Variants in LY9 observed in about 807,000 individuals in gnomAD.
The protein encoded by LY9 is T-lymphocyte surface antigen Ly-9.
Under a neutral mutation model 64.6 loss-of-function variants are expected in LY9, and 59 were observed. The observed-to-expected ratio is 0.91, with a 90% CI of 0.74 to 1.13. LY9 has a LOEUF of 1.13. Among genes scored for constraint, LY9 ranks in the 50% most tolerant of loss-of-function variants. The pLI, the probability that LY9 is intolerant of heterozygous loss-of-function variation, is 0.00. For synonymous variants in LY9, 281 were observed against 308.5 expected, an observed-to-expected ratio of 0.91 and a Z score of 0.93; for missense variants, 789 against 797.2, an observed-to-expected ratio of 0.99 and a Z score of 0.12.
At chr1:160,823,252 A>ACC (rs1668614622) in intron 7 of LY9, among the ~76,000 whole-genome samples, 1 of 152,210 alleles carries the variant, frequency 6.6e-6, no homozygotes, top group Non-Finnish European at 1.5e-5. Flanking sequence ...GTCATATTTA[A>ACC]TATTTATCAA....
Position 160,811,064 on chromosome 1 carries a change from C to T in LY9, c.455-2572C>T, listed in dbSNP as rs541956741. 5.3e-4 allele frequency: 81 copies of T among 152,402 alleles called. 1 individual carries two copies. Among genetic ancestry groups the T allele is most frequent in the African/African-American group, 1.8e-3 (74 of 41,592 alleles). The allele number at this position is 152,402 out of a possible 1,614,324, so 9.4% of individuals were successfully genotyped here. On this transcript the variant is annotated intron_variant, in intron 2 of 9. Transcript: ENST00000263285. Reference sequence around the variant, plus strand: ...CCCACTGGAGTAGCAGCCCCACCTCCTTGGCCCTGAGCGGCAGTTCTGCCC... The same window carrying T: ...CCCACTGGAGTAGCAGCCCCACCTCTTTGGCCCTGAGCGGCAGTTCTGCCC...
Position 160,815,630 on chromosome 1 carries a change from G to A in LY9, c.1072+869G>A, listed in dbSNP as rs564266079. Among the ~76,000 whole-genome samples the A allele has an allele frequency of 7.2e-5, 11 of 152,200 alleles. No homozygotes were observed. The South Asian group carries it at 1.5e-3, about 20-fold the overall frequency. On this transcript the variant is annotated intron_variant, in intron 4 of 9. Coordinates refer to ENST00000263285, the MANE Select transcript of LY9 (RefSeq NM_002348.4). ...TCAAACTCCTGACCTCAGGTGATCC[G>A]CTGCCTCAGCCTCCCAAAGTGCTGG...
intron 2 of LY9, chr1:160,801,995 T>A: frequency 6.4e-7 from 1 of 1,557,282 alleles, no homozygotes. Flanking sequence ...GGAAGGGTCC[T>A]GCCGATGGGA....
chr1:160,807,953 C>T (rs1181920468), intron 2 of LY9, among the ~76,000 whole-genome samples: 1 of 152,094 alleles, frequency 6.6e-6, no homozygotes, highest in Non-Finnish European at 1.5e-5. Context: ...GAAGCAGGGC[C>T]ATCCTCAGGC....
In LY9 at chr1:160,824,176, TA is replaced by T; in HGVS notation, c.1831-4del. On this transcript the variant is annotated splice_region_variant and splice_polypyrimidine_tract_variant and intron_variant, in intron 8 of 9. Transcript: ENST00000263285. Reference sequence around the variant, plus strand: ...TAGGGCTCATCTGCTGTTGGTGTGTTACAGGGAAAGACCCCAGTTTCTCAGA... The same window carrying T: ...TAGGGCTCATCTGCTGTTGGTGTGTTCAGGGAAAGACCCCAGTTTCTCAGA... 2 of 1,614,194 alleles carry T rather than the reference TA, an allele frequency of 1.2e-6. No individual in the cohort carries two copies. Among genetic ancestry groups the T allele is most frequent in the South Asian group, 1.1e-5 (1 of 91,074 alleles).
chr1:160,805,647 T>G (rs1160871017), intron 2 of LY9, among the ~76,000 whole-genome samples: 1 of 151,980 alleles, frequency 6.6e-6, no homozygotes, highest in African/African-American at 2.4e-5. Flanking sequence ...CAATGTTTCT[T>G]TGTTGATTTT....
In LY9 at chr1:160,827,991, T is replaced by G; in HGVS notation, c.*175T>G. 2.0e-6 allele frequency: 1 copy of G among 492,156 alleles called. No homozygotes were observed. The highest frequency in any genetic ancestry group is 3.6e-6 in the Non-Finnish European group (1 of 275,550). The allele number at this position is 492,156 out of a possible 1,614,324, so 30.5% of individuals were successfully genotyped here. A position where few individuals can be genotyped will look rare whatever the true frequency, so the allele number is the denominator to read the frequency against. On this transcript the variant is annotated 3_prime_UTR_variant, in exon 10 of 10. Coordinates refer to ENST00000263285, the MANE Select transcript of LY9 (RefSeq NM_002348.4). ...CACCCTTAAGGACTCCCAAACCCAT[T>G]AATAGTTCAGACACAGGCTCCTTCT...
At chr1:160,819,223 C>A in intron 6 of LY9, 98 bp from the exon 7 acceptor site, 1 of 916,420 alleles carries the variant, frequency 1.1e-6, no homozygotes, top group Non-Finnish European at 1.8e-6. Flanking sequence ...TGTCTATGTC[C>A]CAGAAGTCTC....
chr1:160,807,127 C>T (rs1430037211), intron 2 of LY9, among the ~76,000 whole-genome samples: 4 of 152,062 alleles, frequency 2.6e-5, no homozygotes, highest in African/African-American at 9.7e-5. Context: ...TCATTCATAT[C>T]CAAAATTGTT....
intron 2 of LY9, chr1:160,810,752 T>G (rs1335763946): frequency 2.6e-5 from 4 of 152,138 alleles, no homozygotes; most frequent in Non-Finnish European, 5.9e-5. Context: ...AAGTCCAAAA[T>G]CCATCTAAAT....
chr1:160,801,864 G>A (rs1413341977), intron 2 of LY9: 2 of 1,614,052 alleles, frequency 1.2e-6, no homozygotes, highest in Non-Finnish European at 1.7e-6. Context: ...CAGCGGCCTG[G>A]AGTCCATCAT....
chr1:160,796,971 G>T (rs970249149), intron 1 of LY9: 1 of 242,356 alleles, frequency 4.1e-6, no homozygotes, highest in Non-Finnish European at 6.6e-6. Flanking sequence ...TTCTTTCTAT[G>T]TATCCTGCCT....
intron 1 of LY9, among the ~76,000 whole-genome samples, chr1:160,797,862 TACACAC>T (rs57306367): frequency 0.28 from 42,805 of 150,540 alleles, 6,251 homozygotes; most frequent in South Asian, 0.45. Flanking sequence ...AGATGATCTA[TACACAC>T]ACACACACAC....
chr1:160,814,487 C>A lies in LY9; in HGVS notation c.798C>A (p.Thr266=), dbSNP rs766143903. The A allele has an allele frequency of 2.1e-5, 34 of 1,613,910 alleles. No homozygotes were observed. The Admixed American group carries it at 5.2e-4, about 25-fold the overall frequency. Residue 266 remains threonine (T), a synonymous_variant, in exon 4 of 10, where the codon ACC becomes ACA. Transcript: ENST00000263285. ...TVVGVLGEPV[T]LPLALPACRD... is the part of the protein sequence containing the mutation. ...TAGGGGTCCTGGGAGAGCCAGTCAC[C>A]CTGCCACTTGCACTCCCAGCCTGCC... is the stretch of plus-strand genomic sequence containing the variant.
In LY9 at chr1:160,828,048, C is replaced by A. The variant is rs1056275358; in HGVS notation, c.*232C>A. 8.8e-6 allele frequency: 3 copies of A among 341,492 alleles called. No homozygotes were observed. Among genetic ancestry groups the A allele is most frequent in the Middle Eastern group, 7.7e-4 (1 of 1,292 alleles). 21.2% of individuals were successfully genotyped at this position (341,492 alleles called of 1,614,324 possible). ...CTATGGGCTTCAGATGTCTTTGCCC[C>A]ATTTGTCACCTCGCACACTTATAGC... On this transcript the variant is annotated 3_prime_UTR_variant, in exon 10 of 10. Transcript: ENST00000263285.
At chr1:160,803,421 A>G (rs1283666454) in intron 2 of LY9, among the ~76,000 whole-genome samples, 1 of 152,088 alleles carries the variant, frequency 6.6e-6, no homozygotes, top group Non-Finnish European at 1.5e-5. Flanking sequence ...CTTCTGGTCC[A>G]TGAGCATGGG....
intron 5 of LY9, among the ~76,000 whole-genome samples, chr1:160,817,187 A>C (rs1668026797): frequency 2.6e-5 from 4 of 152,238 alleles, no homozygotes; most frequent in Admixed American, 2.0e-4. Flanking sequence ...TTTGAGAGCC[A>C]GTATGTATTT....
chr1:160,823,276 T>C (rs1364818223), intron 7 of LY9, among the ~76,000 whole-genome samples, 189 bp from the exon 8 acceptor site: 2 of 152,158 alleles, frequency 1.3e-5, no homozygotes, highest in Non-Finnish European at 2.9e-5. Context: ...AATGAATAAA[T>C]GAATGCTTGA....
At chr1:160,823,821 T>C in intron 8 of LY9, 25 bp downstream of exon 8, 1 of 1,533,290 alleles carries the variant, frequency 6.5e-7, no homozygotes, top group Non-Finnish European at 9.0e-7. Flanking sequence ...TCAATACACC[T>C]TCCTCCTCCT....
Sources: allele counts gnomAD v4.1 joint callset (sites outside exome capture counted in the v4.1 genomes callset), GRCh38; gene constraint gnomAD v4.1.1; transcripts MANE v1.5; gene names NCBI Gene and HGNC (gene_info 2026-07-23, HGNC 2026-07-21).